Variants in TBC1D10A observed in about 807,000 individuals in gnomAD.
The protein encoded by TBC1D10A is TBC1 domain family member 10A.
TBC1D10A carries 24 observed loss-of-function variants against 52.9 expected under a neutral mutation model. That is an observed-to-expected ratio of 0.45 (90% CI 0.33 to 0.64). TBC1D10A has a LOEUF of 0.64. TBC1D10A is among the 30% of genes least tolerant of loss of function. The pLI is 0.02. For missense variants in TBC1D10A, 602 were observed against 687.9 expected (o/e 0.88, Z 1.40); for synonymous variants, 278 against 282.9 (o/e 0.98, Z 0.17).
intron 1 of TBC1D10A, chr22:30,305,527 A>G (rs1035217976): frequency 1.3e-5 from 2 of 152,302 alleles, no homozygotes; most frequent in African/African-American, 2.4e-5. Context: ...AGACTCAAAT[A>G]CAAGTCAGGT....
intron 3 of TBC1D10A, 189 bp from the exon 4 acceptor site, chr22:30,296,032 AG>A: frequency 1.7e-6 from 1 of 594,236 alleles, no homozygotes; most frequent in Non-Finnish European, 3.0e-6. Context: ...GCAGGGGCAA[AG>A]GGGCAAGGAG....
At chr22:30,314,047 T>A (rs1460080866) in intron 1 of TBC1D10A, among the ~76,000 whole-genome samples, 1 of 152,218 alleles carries the variant, frequency 6.6e-6, no homozygotes, top group African/African-American at 2.4e-5. Context: ...TTTCATTTAA[T>A]CCTGACAAGC....
intron 1 of TBC1D10A, among the ~76,000 whole-genome samples, chr22:30,305,113 T>C (rs1930284802): frequency 6.6e-6 from 1 of 152,218 alleles, no homozygotes; most frequent in African/African-American, 2.4e-5. Context: ...CCCTGGCCCT[T>C]TCCCTCTCAG....
At chr22:30,317,285 A>G (rs1164686306) in intron 1 of TBC1D10A, among the ~76,000 whole-genome samples, 1 of 151,892 alleles carries the variant, frequency 6.6e-6, no homozygotes, top group Non-Finnish European at 1.5e-5. Context: ...GTGGGCACCT[A>G]AAACCCCAGC....
intron 6 of TBC1D10A, among the ~76,000 whole-genome samples, 153 bp downstream of exon 6, chr22:30,294,643 G>A (rs1308360886): frequency 6.6e-6 from 1 of 152,228 alleles, no homozygotes; most frequent in African/African-American, 2.4e-5. Flanking sequence ...TAACCCAGGA[G>A]ACCTAACCCT....
At chr22:30,293,269 T>TC (rs1929991442) in intron 8 of TBC1D10A, 1 of 602,662 alleles carries the variant, frequency 1.7e-6, no homozygotes, top group East Asian at 3.9e-5. Flanking sequence ...TCTGTGAGCC[T>TC]CCATTTCCTC....
intron 2 of TBC1D10A, among the ~76,000 whole-genome samples, chr22:30,302,844 C>T (rs1473261060): frequency 2.0e-5 from 3 of 152,226 alleles, no homozygotes; most frequent in Non-Finnish European, 2.9e-5. Flanking sequence ...CGGAAGGTCC[C>T]TGCCAACCAC....
intron 1 of TBC1D10A, among the ~76,000 whole-genome samples, chr22:30,314,643 C>T (rs1930495867): frequency 1.3e-5 from 2 of 152,042 alleles, no homozygotes; most frequent in South Asian, 4.1e-4. Flanking sequence ...GACCCTGTCT[C>T]TACAAAATTG....
chr22:30,306,196 A>G (rs1930306809), intron 1 of TBC1D10A, among the ~76,000 whole-genome samples: 2 of 152,230 alleles, frequency 1.3e-5, no homozygotes, highest in Admixed American at 1.3e-4. Flanking sequence ...CTGAGTCAAC[A>G]GGAAGTTCTG....
intron 1 of TBC1D10A, chr22:30,307,649 A>G (rs1236070831): frequency 6.6e-6 from 1 of 152,212 alleles, no homozygotes; most frequent in African/African-American, 2.4e-5. Flanking sequence ...ATTACATTAA[A>G]AACCATCACT....
At chr22:30,321,775 A>G (rs1410989180) in intron 1 of TBC1D10A, among the ~76,000 whole-genome samples, 1 of 152,120 alleles carries the variant, frequency 6.6e-6, no homozygotes, top group Non-Finnish European at 1.5e-5. Flanking sequence ...AAGGTCAGGG[A>G]CCACCTCTCT....
chr22:30,323,086 G>T (rs1468583949), intron 1 of TBC1D10A, among the ~76,000 whole-genome samples: 1 of 151,530 alleles, frequency 6.6e-6, no homozygotes, highest in Non-Finnish European at 1.5e-5. Context: ...GTATTTTCTT[G>T]TAGAGATGGA....
chr22:30,293,489 C>T, intron 8 of TBC1D10A, 162 bp downstream of exon 8: 1 of 1,083,382 alleles, frequency 9.2e-7, no homozygotes, highest in Non-Finnish European at 1.3e-6. Context: ...CCATGCTCTT[C>T]ACCAGACAGA....
At chr22:30,307,268 C>T (rs796743634) in intron 1 of TBC1D10A, among the ~76,000 whole-genome samples, 1 of 152,258 alleles carries the variant, frequency 6.6e-6, no homozygotes, top group Non-Finnish European at 1.5e-5. Flanking sequence ...GCAAATCTGG[C>T]GGCCTCACTC....
chr22:30,325,335 C>T (rs1458076559), intron 1 of TBC1D10A, among the ~76,000 whole-genome samples: 1 of 152,220 alleles, frequency 6.6e-6, no homozygotes, highest in Non-Finnish European at 1.5e-5. Context: ...TGGGGAAAAT[C>T]CCGGAAGTGA....
intron 6 of TBC1D10A, 151 bp from the exon 7 acceptor site, chr22:30,294,261 G>T: frequency 1.2e-6 from 1 of 865,714 alleles, no homozygotes. Context: ...AGGATACAAT[G>T]ATGAGCAAAG....
At chr22:30,310,324 T>G (rs1212752223) in intron 1 of TBC1D10A, among the ~76,000 whole-genome samples, 1 of 152,198 alleles carries the variant, frequency 6.6e-6, no homozygotes, top group Non-Finnish European at 1.5e-5. Flanking sequence ...ATTTGCGGCT[T>G]AACTAGCAAT....
Position 30,292,184 on chromosome 22 carries a change from AG to A in TBC1D10A, c.*190del. On this transcript the variant is annotated 3_prime_UTR_variant, in exon 9 of 9. Coordinates refer to ENST00000215790, the MANE Select transcript of TBC1D10A (RefSeq NM_031937.3). ...TGGGCCAGCCTGAGTGCCACTGTAAAGAAAATAAATAAGGAGGCTCAGGCAG... is the reference window on the plus strand; with the variant it reads ...TGGGCCAGCCTGAGTGCCACTGTAAAAAAATAAATAAGGAGGCTCAGGCAG... 1.8e-6 allele frequency: 1 copy of A among 541,482 alleles called. No homozygotes were observed. The highest frequency in any genetic ancestry group is 3.1e-6 in the Non-Finnish European group (1 of 318,250). The allele number at this position is 541,482 out of a possible 1,614,324, so 33.5% of individuals were successfully genotyped here.
chr22:30,308,675 C>CACA (rs1930367756), intron 1 of TBC1D10A, among the ~76,000 whole-genome samples: 2 of 152,190 alleles, frequency 1.3e-5, no homozygotes, highest in African/African-American at 4.8e-5. Flanking sequence ...TCAGCACTGT[C>CACA]CCTCCCCAGC....
Sources: allele counts gnomAD v4.1 joint callset (sites outside exome capture counted in the v4.1 genomes callset), GRCh38; gene constraint gnomAD v4.1.1; transcripts MANE v1.5; gene names NCBI Gene and HGNC (gene_info 2026-07-23, HGNC 2026-07-21).